ST8SIA6: variants seen among roughly 807,000 people sequenced by gnomAD.
ST8SIA6 encodes the protein alpha-2,8-sialyltransferase 8F.
ST8SIA6 carries 39 observed loss-of-function variants against 33.6 expected under a neutral mutation model. The observed-to-expected ratio is 1.16, with a 90% CI of 0.90 to 1.52. The LOEUF (loss-of-function observed/expected upper bound fraction) is 1.52, where lower values mean the gene tolerates loss of function less well. Ranked by LOEUF, ST8SIA6 falls within the 40% of genes most tolerant of loss-of-function variation. The probability of loss-of-function intolerance (pLI) is 0.00; values close to 1 mark genes in which losing one functional copy is unlikely to be tolerated. For missense variants in ST8SIA6, 441 were observed against 443.8 expected, an observed-to-expected ratio of 0.99 and a Z score of 0.06; for synonymous variants, 172 against 167.2, an observed-to-expected ratio of 1.03 and a Z score of -0.22.
intron 3 of ST8SIA6, among the ~76,000 whole-genome samples, chr10:17,374,752 A>AAATATATATATATATATAT (rs1849849506): frequency 2.4e-5 from 3 of 123,312 alleles, no homozygotes; most frequent in South Asian, 2.9e-4. Context: ...ATAAATAATA[A>AAATATATATATATATATAT]ATATATATAT....
chr10:17,376,078 T>C (rs1188037353), intron 3 of ST8SIA6, among the ~76,000 whole-genome samples: 1 of 152,172 alleles, frequency 6.6e-6, no homozygotes, highest in African/African-American at 2.4e-5. Context: ...TCAGTGCCAC[T>C]TGCATTTTAT....
At chr10:17,413,509 G>A (rs1362692270) in intron 2 of ST8SIA6, 6 of 151,978 alleles carry the variant, frequency 3.9e-5, no homozygotes, top group African/African-American at 1.5e-4. Context: ...CTTTGACATC[G>A]CTTCTGTCTA....
At chr10:17,355,044 A>G (rs1445387843) in intron 4 of ST8SIA6, among the ~76,000 whole-genome samples, 1 of 152,218 alleles carries the variant, frequency 6.6e-6, no homozygotes, top group Non-Finnish European at 1.5e-5. Flanking sequence ...AAAGAGGACA[A>G]ACCCCCTCGT....
chr10:17,369,208 C>G (rs1465249178), intron 3 of ST8SIA6, among the ~76,000 whole-genome samples: 3 of 151,192 alleles, frequency 2.0e-5, no homozygotes, highest in African/African-American at 7.3e-5. Flanking sequence ...TTAATCACCT[C>G]AAAAAAAAAT....
intron 4 of ST8SIA6, among the ~76,000 whole-genome samples, chr10:17,349,643 G>A (rs927443794): frequency 1.6e-4 from 24 of 152,274 alleles, no homozygotes; most frequent in Middle Eastern, 3.4e-3. Context: ...CCTTTAAGAT[G>A]TTCTAGTAGT....
rs966702037 is a variant in ST8SIA6, at chr10:17,319,798, C to T, written c.*1080G>A. The stretch of plus-strand genomic sequence containing the variant: ...TTTTGTTACTTTTACTAATCAATTA[C>T]ATATTTCTAATATCATCAATGGTTT... On this transcript the variant is annotated 3_prime_UTR_variant, in exon 8 of 8. Transcript: ENST00000377602. 1 of 152,146 alleles carries T rather than the reference C, an allele frequency of 6.6e-6. No individual in the cohort carries two copies. The highest frequency in any genetic ancestry group is 2.4e-5 in the African/African-American group (1 of 41,436). The allele number at this position is 152,146 out of a possible 1,614,324, so 9.4% of individuals were successfully genotyped here.
chr10:17,439,296 T>G (rs1852389317), intron 2 of ST8SIA6, among the ~76,000 whole-genome samples: 1 of 143,486 alleles, frequency 7.0e-6, no homozygotes, highest in Non-Finnish European at 1.5e-5. Context: ...TTTTTGGAGT[T>G]GGGGATGGAG....
At chr10:17,341,900 C>CAAAAAAAAA (rs71393004) in intron 4 of ST8SIA6, among the ~76,000 whole-genome samples, 7 of 73,130 alleles carry the variant, frequency 9.6e-5, no homozygotes, top group East Asian at 4.8e-4. Context: ...GGCTCCATCT[C>CAAAAAAAAA]AAAAAAAAAA....
intron 3 of ST8SIA6, among the ~76,000 whole-genome samples, chr10:17,362,909 AC>A (rs1435934264): frequency 1.3e-5 from 2 of 151,910 alleles, no homozygotes; most frequent in Non-Finnish European, 2.9e-5. Flanking sequence ...ACGAGGTTTC[AC>A]CATGTTGGTC....
intron 3 of ST8SIA6, among the ~76,000 whole-genome samples, chr10:17,361,631 A>G (rs372732873): frequency 4.6e-5 from 7 of 151,604 alleles, no homozygotes; most frequent in East Asian, 2.0e-4. Flanking sequence ...TCTTCTAGAA[A>G]ATTGAAGGGA....
intron 6 of ST8SIA6, among the ~76,000 whole-genome samples, chr10:17,324,487 C>T (rs1033969419): frequency 3.3e-5 from 5 of 151,758 alleles, no homozygotes; most frequent in Admixed American, 6.6e-5. Context: ...ATGTCCTTTC[C>T]AGAACAGTCT....
chr10:17,342,370 G>C (rs1848706880), intron 4 of ST8SIA6, among the ~76,000 whole-genome samples: 1 of 152,162 alleles, frequency 6.6e-6, no homozygotes, highest in Non-Finnish European at 1.5e-5. Flanking sequence ...AACCAGTCTG[G>C]GAGTTAGGGG....
rs539176410 is a variant in ST8SIA6, at chr10:17,387,452, G to C, written c.290+3079C>G. ...TTTTAGTCGGGGCGGTGGGGCGGGG[G>C]GGGGGGGGTTCTCCATGTTGGTCTG... On this transcript the variant is annotated intron_variant, in intron 3 of 7. Coordinates refer to ENST00000377602, the MANE Select transcript of ST8SIA6 (RefSeq NM_001004470.3). 7.8e-5 allele frequency among the ~76,000 whole-genome samples: 11 copies of C among 141,908 alleles called. No individual in the cohort carries two copies. The East Asian group carries it at 9.0e-4, about 12-fold the overall frequency. The allele number at this position is 141,908 out of a possible 152,430, so 93.1% of individuals were successfully genotyped here.
intron 4 of ST8SIA6, among the ~76,000 whole-genome samples, chr10:17,336,350 C>A (rs1387426434): frequency 6.6e-6 from 1 of 152,118 alleles, no homozygotes; most frequent in Non-Finnish European, 1.5e-5. Context: ...GAATAACCAG[C>A]AGTTAGATTT....
chr10:17,403,907 C>CA (rs940605391), intron 2 of ST8SIA6, among the ~76,000 whole-genome samples: 3 of 151,134 alleles, frequency 2.0e-5, no homozygotes, highest in Admixed American at 6.6e-5. Context: ...ACTGAAATTA[C>CA]AAAAAAAATT....
chr10:17,339,517 C>A (rs1848607173), intron 4 of ST8SIA6, among the ~76,000 whole-genome samples: 1 of 152,094 alleles, frequency 6.6e-6, no homozygotes, highest in African/African-American at 2.4e-5. Context: ...ATTTACTTAC[C>A]ATCCAAATCA....
At chr10:17,396,831 C>T (rs1454410081) in intron 2 of ST8SIA6, among the ~76,000 whole-genome samples, 1 of 152,200 alleles carries the variant, frequency 6.6e-6, no homozygotes, top group Non-Finnish European at 1.5e-5. Flanking sequence ...TGAAAATCCA[C>T]TAAACCATTC....
intron 2 of ST8SIA6, among the ~76,000 whole-genome samples, chr10:17,447,973 T>C (rs1377434191): frequency 3.3e-5 from 5 of 152,114 alleles, no homozygotes; most frequent in Non-Finnish European, 4.4e-5. Flanking sequence ...CTAATTTTTG[T>C]ATTTTTAGTA....
At position 17,321,035 on chromosome 10, in the gene ST8SIA6, G is replaced by A; in HGVS notation, c.1040C>T (p.Ser347Phe). ...NVKLYGFWPF[S>F]KTVEDIPVSH... ...GACAGGTATGTCTTCTACAGTTTTA[G>A]AGAAGGGCCAGAATCCATACAGCTT... The change falls in exon 8 of 8, where the codon TCT becomes TTT. Residue 347 changes from serine to phenylalanine, a missense_variant. Transcript: ENST00000377602. 1.2e-6 allele frequency: 2 copies of A among 1,614,044 alleles called. No individual in the cohort carries two copies. The highest frequency in any genetic ancestry group is 1.7e-6 in the Non-Finnish European group (2 of 1,179,976).
Sources: allele counts gnomAD v4.1 joint callset (sites outside exome capture counted in the v4.1 genomes callset), GRCh38; gene constraint gnomAD v4.1.1; transcripts MANE v1.5; gene names NCBI Gene and HGNC (gene_info 2026-07-23, HGNC 2026-07-21).